The following LRRTM4 variants were observed in gnomAD, a reference collection of about 807,000 sequenced individuals.
LRRTM4 encodes leucine-rich repeat transmembrane neuronal protein 4.
In LRRTM4, 25 loss-of-function variants were observed where a neutral mutation model predicts 47.6. The observed-to-expected ratio is 0.53, with a 90% CI of 0.38 to 0.73. The LOEUF (loss-of-function observed/expected upper bound fraction) is 0.73. Among genes scored for constraint, LRRTM4 ranks in the 30% least tolerant of loss-of-function variants. The pLI, the probability that LRRTM4 is intolerant of heterozygous loss-of-function variation, is 0.00. For synonymous variants in LRRTM4, 311 were observed against 269.5 expected (o/e 1.15, Z -1.51); for missense variants, 638 against 713.4 (o/e 0.89, Z 1.20).
intron 3 of LRRTM4, among the ~76,000 whole-genome samples, chr2:76,895,538 G>A (rs1041101927): frequency 1.3e-5 from 2 of 152,012 alleles, no homozygotes; most frequent in Non-Finnish European, 2.9e-5. Flanking sequence ...TCTCCCAGTT[G>A]TGGCTTCTCG....
intron 3 of LRRTM4, among the ~76,000 whole-genome samples, chr2:77,155,018 A>C (rs1672521497): frequency 6.6e-6 from 1 of 152,148 alleles, no homozygotes; most frequent in Admixed American, 6.6e-5. Context: ...AAATCCACAT[A>C]ATAGGCACTC....
At chr2:76,931,759 G>A (rs1035876847) in intron 3 of LRRTM4, among the ~76,000 whole-genome samples, 23 of 151,904 alleles carry the variant, frequency 1.5e-4, no homozygotes, top group African/African-American at 5.1e-4. Context: ...TTCTGTCCAG[G>A]TTTACCAGCA....
At position 77,245,536 on chromosome 2, in the gene LRRTM4, A is replaced by G. The variant is rs200430588; in HGVS notation, c.1551+272782T>C. On this transcript the variant is annotated intron_variant, in intron 3 of 3. Transcript: ENST00000409884. Reference sequence around the variant, plus strand: ...CTGCCTCAAAAAAAAAAAAAAAAAAAAAGAAGAAGAAGAGAAGAAGAGAAA... The same window carrying G: ...CTGCCTCAAAAAAAAAAAAAAAAAAGAAGAAGAAGAAGAGAAGAAGAGAAA... 1.2e-3 allele frequency among the ~76,000 whole-genome samples: 104 copies of G among 86,376 alleles called. 3 individuals carry two copies. In the East Asian group the frequency reaches 0.02, roughly 16 times the overall value. 56.7% of individuals were successfully genotyped at this position (86,376 alleles called of 152,430 possible). A position where few individuals can be genotyped will look rare whatever the true frequency, so the allele number is the denominator to read the frequency against.
At chr2:76,844,022 C>T in intron 3 of LRRTM4, among the ~76,000 whole-genome samples, 1 of 151,736 alleles carries the variant, frequency 6.6e-6, no homozygotes, top group East Asian at 1.9e-4. Flanking sequence ...CTGCCTCAGC[C>T]TCCCGATTAG....
chr2:77,402,037 G>C (rs187933972), intron 3 of LRRTM4, among the ~76,000 whole-genome samples: 2 of 152,050 alleles, frequency 1.3e-5, no homozygotes, highest in African/African-American at 4.8e-5. Flanking sequence ...TTGTACATAG[G>C]TGTGCATAAA....
intron 3 of LRRTM4, among the ~76,000 whole-genome samples, chr2:77,253,409 A>C (rs1249170192): frequency 6.6e-6 from 1 of 152,082 alleles, no homozygotes. Context: ...TCTGGGCTTC[A>C]ACCTAGCACG....
At chr2:77,105,105 T>G in intron 3 of LRRTM4, among the ~76,000 whole-genome samples, 1 of 151,458 alleles carries the variant, frequency 6.6e-6, no homozygotes, top group Non-Finnish European at 1.5e-5. Context: ...CCATTTAGAT[T>G]AAGAGAACAT....
At position 76,814,202 on chromosome 2, in the gene LRRTM4, A is replaced by T. The variant is rs372570253; in HGVS notation, c.1552-65286T>A. ...ATCTATTTATTATTTCAATTTGTTT[A>T]TTTTAAATTTGAAAAATAGAAAAAA... On this transcript the variant is annotated intron_variant, in intron 3 of 3. Coordinates refer to ENST00000409884, the MANE Select transcript of LRRTM4 (RefSeq NM_001134745.3). 1.6e-4 allele frequency among the ~76,000 whole-genome samples: 24 copies of T among 152,230 alleles called. No individual in the cohort carries two copies. In the East Asian group the frequency reaches 4.1e-3, roughly 26 times the overall value.
chr2:76,806,176 AG>A (rs1310859523), intron 3 of LRRTM4, among the ~76,000 whole-genome samples: 1 of 152,210 alleles, frequency 6.6e-6, no homozygotes, highest in Non-Finnish European at 1.5e-5. Flanking sequence ...TGAGTGGGAA[AG>A]GGCTTTATTA....
At chr2:76,971,632 C>T (rs145755284) in intron 3 of LRRTM4, among the ~76,000 whole-genome samples, 100 of 152,064 alleles carry the variant, frequency 6.6e-4, no homozygotes, top group African/African-American at 2.3e-3. Flanking sequence ...TTGGAGCAAG[C>T]ATGGGTGGTA....
chr2:76,905,222 T>C (rs1573290391), intron 3 of LRRTM4, among the ~76,000 whole-genome samples: 1 of 152,210 alleles, frequency 6.6e-6, no homozygotes, highest in Non-Finnish European at 1.5e-5. Context: ...ACACCGCTGC[T>C]GATACCCAGG....
At chr2:76,777,070 G>C (rs1384317726) in intron 3 of LRRTM4, among the ~76,000 whole-genome samples, 1 of 139,356 alleles carries the variant, frequency 7.2e-6, no homozygotes, top group Non-Finnish European at 1.6e-5. Flanking sequence ...GATAGTTGTA[G>C]ATACGCGGCA....
intron 3 of LRRTM4, among the ~76,000 whole-genome samples, chr2:77,287,765 C>A (rs1676705234): frequency 6.6e-6 from 1 of 152,104 alleles, no homozygotes; most frequent in Non-Finnish European, 1.5e-5. Context: ...TCCTATCTTA[C>A]AATTAGCTTC....
intron 3 of LRRTM4, among the ~76,000 whole-genome samples, chr2:77,054,783 T>G (rs992211362): frequency 4.6e-5 from 7 of 152,316 alleles, no homozygotes; most frequent in South Asian, 2.1e-4. Context: ...ATCAGGCTGC[T>G]ATTTCTTTAG....
chr2:76,924,903 G>A (rs1302030216), intron 3 of LRRTM4, among the ~76,000 whole-genome samples: 5 of 151,910 alleles, frequency 3.3e-5, no homozygotes, highest in East Asian at 1.9e-4. Context: ...ACCTCTTCAC[G>A]GTAACTTTAA....
intron 3 of LRRTM4, among the ~76,000 whole-genome samples, chr2:76,756,455 T>C (rs1390405624): frequency 1.3e-5 from 2 of 152,142 alleles, no homozygotes; most frequent in African/African-American, 4.8e-5. Flanking sequence ...GTTTATCTTT[T>C]CTCCAGGCTG....
At chr2:77,061,187 G>A (rs1679774015) in intron 3 of LRRTM4, among the ~76,000 whole-genome samples, 1 of 151,796 alleles carries the variant, frequency 6.6e-6, no homozygotes, top group Non-Finnish European at 1.5e-5. Context: ...AATGTAATGT[G>A]AGAAGCAAAT....
At chr2:76,783,634 A>G (rs1020265047) in intron 3 of LRRTM4, among the ~76,000 whole-genome samples, 1 of 152,148 alleles carries the variant, frequency 6.6e-6, no homozygotes, top group African/African-American at 2.4e-5. Flanking sequence ...CTAAACAAGG[A>G]AATTAATTGA....
chr2:77,505,222 T>C (rs1040792386), intron 3 of LRRTM4, among the ~76,000 whole-genome samples: 10 of 150,986 alleles, frequency 6.6e-5, no homozygotes, highest in African/African-American at 2.4e-4. Flanking sequence ...ACAATATATA[T>C]AAAATTCATA....
Sources: gnomAD v4.1 joint callset for allele counts (sites outside exome capture counted in the v4.1 genomes callset) on GRCh38, gnomAD v4.1.1 for gene constraint, MANE v1.5 for transcripts, NCBI Gene and HGNC (gene_info 2026-07-23, HGNC 2026-07-21) for gene names.